The following NTRK3 variants were observed in gnomAD, a reference collection of about 807,000 sequenced individuals.
NTRK3 encodes NT-3 growth factor receptor.
In NTRK3, 24 loss-of-function variants were observed where a neutral mutation model predicts 91.7. The observed-to-expected ratio is 0.26, with a 90% confidence interval of 0.19 to 0.37. The LOEUF is 0.37. Among genes scored for constraint, NTRK3 ranks in the 10% least tolerant of loss-of-function variants. NTRK3 has a pLI of 1.00. For missense variants in NTRK3, 880 were observed against 1,068.9 expected, an observed-to-expected ratio of 0.82 and a Z score of 2.46; for synonymous variants, 483 against 404.0, an observed-to-expected ratio of 1.20 and a Z score of -2.34.
intron 14 of NTRK3, among the ~76,000 whole-genome samples, chr15:87,945,310 C>T (rs1341057388): frequency 1.3e-5 from 2 of 152,194 alleles, no homozygotes; most frequent in Non-Finnish European, 2.9e-5. Flanking sequence ...CTTCTTGTTC[C>T]CACAGGACAA....
intron 5 of NTRK3, among the ~76,000 whole-genome samples, chr15:88,149,610 C>G (rs2043191449): frequency 6.6e-6 from 1 of 152,226 alleles, no homozygotes; most frequent in Admixed American, 6.5e-5. Context: ...CCCCACCGAT[C>G]AGAAAGGTGT....
At chr15:88,223,608 G>A (rs532966831) in intron 3 of NTRK3, among the ~76,000 whole-genome samples, 4 of 152,310 alleles carry the variant, frequency 2.6e-5, no homozygotes, top group East Asian at 1.9e-4. Flanking sequence ...CCAATGCAAC[G>A]CCACCACTTC....
At chr15:87,993,919 T>C (rs189849778) in intron 14 of NTRK3, among the ~76,000 whole-genome samples, 3 of 152,328 alleles carry the variant, frequency 2.0e-5, no homozygotes. Context: ...TCTGTAAGCT[T>C]ACCTAAAAAT....
intron 17 of NTRK3, among the ~76,000 whole-genome samples, chr15:87,889,808 C>G (rs1334039160): frequency 6.6e-6 from 1 of 152,030 alleles, no homozygotes; most frequent in Non-Finnish European, 1.5e-5. Flanking sequence ...CACCAAATAC[C>G]ATTCAGTGTC....
At chr15:88,254,929 A>C (rs1386734923) in intron 3 of NTRK3, among the ~76,000 whole-genome samples, 1 of 152,192 alleles carries the variant, frequency 6.6e-6, no homozygotes, top group Non-Finnish European at 1.5e-5. Flanking sequence ...AAAGAGGAGC[A>C]GACTCTCCAG....
chr15:87,875,048 C>A (rs2141425382), exon 19 of NTRK3: 1 of 230,502 alleles, frequency 4.3e-6, no homozygotes, highest in African/African-American at 2.2e-5. Flanking sequence ...ATTTGTGGGT[C>A]TACAAAAAGA....
rs536045690 is a variant in NTRK3, at chr15:87,904,994, G to T, written c.2133+24197C>A. ...CTCAGCCCTCAAGTATCAAAATGACGGGGGAAACTAGACAAGGGTCCCTAA... is the reference window on the plus strand; with the variant it reads ...CTCAGCCCTCAAGTATCAAAATGACTGGGGAAACTAGACAAGGGTCCCTAA... On this transcript the variant is annotated intron_variant, in intron 17 of 18. Transcript: ENST00000394480. Among the ~76,000 whole-genome samples the T allele has an allele frequency of 4.1e-4, 62 of 152,264 alleles. 1 individual carries two copies. Among genetic ancestry groups the T allele is most frequent in the African/African-American group, 1.5e-3 (62 of 41,546 alleles).
At chr15:87,869,936 A>T (rs1263208535) in exon 19 of NTRK3, 1 of 191,678 alleles carries the variant, frequency 5.2e-6, no homozygotes, top group African/African-American at 2.3e-5. Context: ...TAAATGAAAG[A>T]ATAATTATCA....
At chr15:88,148,309 A>ACTGAC (rs1361536919) in intron 5 of NTRK3, among the ~76,000 whole-genome samples, 2 of 152,246 alleles carry the variant, frequency 1.3e-5, no homozygotes. Flanking sequence ...TTGAGGCTAC[A>ACTGAC]CTGACGAATG....
In NTRK3 at chr15:87,867,475, G is replaced by C. The variant is rs945772372; in HGVS notation, c.*9460C>G. ...GGGGGGATGTTTGCAAACTTGTTCA[G>C]GGCAGGATCTTGAGATGGTATATAA... is the stretch of plus-strand genomic sequence containing the variant. On this transcript the variant is annotated 3_prime_UTR_variant, in exon 19 of 19. Transcript: ENST00000394480. The C allele has an allele frequency of 2.6e-4, 61 of 230,260 alleles. 1 individual carries two copies. Among genetic ancestry groups the C allele is most frequent in the Non-Finnish European group, 3.4e-5 (4 of 116,284 alleles). The allele number at this position is 230,260 out of a possible 1,614,324, so 14.3% of individuals were successfully genotyped here.
At chr15:88,066,908 C>T (rs1288438695) in intron 13 of NTRK3, among the ~76,000 whole-genome samples, 1 of 152,186 alleles carries the variant, frequency 6.6e-6, no homozygotes, top group Admixed American at 6.5e-5. Flanking sequence ...AAGGCCTGAT[C>T]CTTACTCCTC....
At chr15:88,118,723 G>A (rs1001576350) in intron 13 of NTRK3, among the ~76,000 whole-genome samples, 9 of 152,168 alleles carry the variant, frequency 5.9e-5, no homozygotes, top group African/African-American at 1.4e-4. Context: ...GGGAAAGCCC[G>A]GTGACATCCA....
At chr15:88,172,138 G>A (rs926634286) in intron 5 of NTRK3, among the ~76,000 whole-genome samples, 5 of 152,218 alleles carry the variant, frequency 3.3e-5, no homozygotes. Flanking sequence ...AAGGGCAGAG[G>A]CCTCTTGGAC....
chr15:88,098,285 G>A (rs1256516689), intron 13 of NTRK3, among the ~76,000 whole-genome samples: 1 of 152,194 alleles, frequency 6.6e-6, no homozygotes, highest in East Asian at 1.9e-4. Flanking sequence ...AGGGAGGCAA[G>A]GTGAGAGAGT....
In NTRK3 at chr15:88,234,431, T is replaced by A. The variant is rs1050711815; in HGVS notation, c.248+21475A>T. Among the ~76,000 whole-genome samples, 18 of 152,168 alleles carry A rather than the reference T, an allele frequency of 1.2e-4. No homozygotes were observed. Among genetic ancestry groups the A allele is most frequent in the African/African-American group, 4.1e-4 (17 of 41,432 alleles). On this transcript the variant is annotated intron_variant, in intron 3 of 18. Coordinates refer to ENST00000394480, the Ensembl canonical transcript of NTRK3. This position sits in a 1 kb window ranked among gnomAD's most constrained non-coding sequence, Gnocchi z 6.1. ...GCCCATATTCCTTGGGCCTGCACAG[T>A]CTCTCCCCTCTCGACTTCCCCAGCC... is the stretch of plus-strand genomic sequence containing the variant.
intron 13 of NTRK3, among the ~76,000 whole-genome samples, chr15:88,073,359 A>C (rs1355853152): frequency 6.6e-6 from 1 of 152,190 alleles, no homozygotes; most frequent in Non-Finnish European, 1.5e-5. Flanking sequence ...GCCCCAGGTC[A>C]GCAGCAGCAG....
Position 88,184,174 on chromosome 15 carries a change from G to A in NTRK3, c.323+51C>T, listed in dbSNP as rs2882078. 2,914 of 1,575,678 alleles carry A rather than the reference G, an allele frequency of 1.8e-3. 53 individuals are homozygous for A. The African/African-American group carries it at 0.033, about 18-fold the overall frequency. On this transcript the variant is annotated intron_variant, in intron 4 of 18. Transcript: ENST00000394480. ...GCCACCCCAGAAGGCAGACCAGGTGGCATCCACCCCTTCCACAGGGAAAGG... is the reference window on the plus strand; with the variant it reads ...GCCACCCCAGAAGGCAGACCAGGTGACATCCACCCCTTCCACAGGGAAAGG...
At chr15:87,943,251 G>T (rs2070087495) in intron 14 of NTRK3, among the ~76,000 whole-genome samples, 3 of 152,044 alleles carry the variant, frequency 2.0e-5, no homozygotes, top group Non-Finnish European at 4.4e-5. Context: ...AGCTGAAGAA[G>T]TTTACCTTTA....
At chr15:88,108,680 C>G (rs2050980515) in intron 13 of NTRK3, among the ~76,000 whole-genome samples, 1 of 152,216 alleles carries the variant, frequency 6.6e-6, no homozygotes, top group Non-Finnish European at 1.5e-5. Context: ...TATAACATTC[C>G]ATGACACTTT....
Sources: allele counts gnomAD v4.1 joint callset (sites outside exome capture counted in the v4.1 genomes callset), GRCh38; gene constraint gnomAD v4.1.1; non-coding constraint Gnocchi (gnomAD v3.1); transcripts MANE v1.5; gene names NCBI Gene and HGNC (gene_info 2026-07-23, HGNC 2026-07-21).